Variants in DCK observed in about 807,000 individuals in gnomAD.
DCK encodes the protein deoxyadenosine kinase.
DCK carries 23 observed loss-of-function variants against 38.3 expected under a neutral mutation model. The observed-to-expected ratio is 0.60, with a 90% CI of 0.43 to 0.85. The LOEUF (loss-of-function observed/expected upper bound fraction) is 0.85. Ranked by LOEUF, DCK falls within the 40% of genes least tolerant of loss-of-function variation. The pLI, the probability that DCK is intolerant of heterozygous loss-of-function variation, is 0.00. For missense variants in DCK, 259 were observed against 304.4 expected, an observed-to-expected ratio of 0.85 and a Z score of 1.11; for synonymous variants, 108 against 100.6, an observed-to-expected ratio of 1.07 and a Z score of -0.44.
intron 2 of DCK, among the ~76,000 whole-genome samples, chr4:71,013,797 G>T: frequency 6.6e-6 from 1 of 152,214 alleles, no homozygotes; most frequent in East Asian, 1.9e-4. Flanking sequence ...ACCAGCCACT[G>T]CAAAAACATG....
chr4:71,015,209 T>TA (rs1410770707), intron 2 of DCK, among the ~76,000 whole-genome samples: 1 of 152,128 alleles, frequency 6.6e-6, no homozygotes, highest in Non-Finnish European at 1.5e-5. Flanking sequence ...CCTGGACACA[T>TA]ACACTGTCAC....
At chr4:70,995,552 C>G (rs1209416065) in intron 1 of DCK, among the ~76,000 whole-genome samples, 1 of 151,674 alleles carries the variant, frequency 6.6e-6, no homozygotes, top group Non-Finnish European at 1.5e-5. Flanking sequence ...GCACTCTAGC[C>G]TGGGTGACAG....
chr4:71,025,564 T>G (rs1740526750), intron 4 of DCK, among the ~76,000 whole-genome samples: 1 of 152,114 alleles, frequency 6.6e-6, no homozygotes. Flanking sequence ...TTTATCAAAC[T>G]TAGTATATTT....
chr4:71,017,026 T>C (rs1219615788), intron 2 of DCK, among the ~76,000 whole-genome samples: 4 of 152,130 alleles, frequency 2.6e-5, no homozygotes, highest in East Asian at 1.9e-4. Flanking sequence ...ATTTTTGCAA[T>C]CTACTCATCT....
chr4:71,013,227 T>C, intron 2 of DCK, among the ~76,000 whole-genome samples: 1 of 152,042 alleles, frequency 6.6e-6, no homozygotes, highest in Non-Finnish European at 1.5e-5. Context: ...TAAAAAGAAA[T>C]GAACAAAACC....
chr4:71,003,544 A>G (rs1739863729), intron 2 of DCK, among the ~76,000 whole-genome samples: 1 of 152,174 alleles, frequency 6.6e-6, no homozygotes, highest in Non-Finnish European at 1.5e-5. Context: ...AATAATCCTG[A>G]AATGTGTTTT....
chr4:71,021,328 G>T (rs1740420665), intron 2 of DCK, among the ~76,000 whole-genome samples: 1 of 151,968 alleles, frequency 6.6e-6, no homozygotes, highest in Admixed American at 6.6e-5. Flanking sequence ...ACCCGCCTCG[G>T]CCTCCCAAAG....
chr4:71,013,427 C>G (rs1314795603), intron 2 of DCK, among the ~76,000 whole-genome samples: 1 of 152,040 alleles, frequency 6.6e-6, no homozygotes, highest in Non-Finnish European at 1.5e-5. Context: ...AGATACTCCT[C>G]GAGAAGAGCA....
chr4:71,011,256 T>A (rs998277092), intron 2 of DCK, among the ~76,000 whole-genome samples: 1 of 109,170 alleles, frequency 9.2e-6, no homozygotes, highest in Non-Finnish European at 1.9e-5. Context: ...TTTTTTTTTT[T>A]AAGACGGAGT....
chr4:71,013,140 A>G (rs574843593), intron 2 of DCK, among the ~76,000 whole-genome samples: 2 of 152,368 alleles, frequency 1.3e-5, no homozygotes, highest in East Asian at 1.9e-4. Context: ...GATTCAATCA[A>G]CTGGAAGAAA....
In DCK at chr4:71,019,939, A is replaced by G. The variant is rs756839556; in HGVS notation, c.208-2428A>G. On this transcript the variant is annotated intron_variant, in intron 2 of 6. Coordinates refer to ENST00000286648, the MANE Select transcript of DCK (RefSeq NM_000788.3). ...GTAGCTAGGATTACAGGCGCGTGCC[A>G]CCACGCCTGGCTAATTTTTTATATT... Among the ~76,000 whole-genome samples the G allele has an allele frequency of 3.0e-4, 45 of 152,258 alleles. 1 individual carries two copies. The highest frequency in any genetic ancestry group is 5.2e-4 in the Admixed American group (8 of 15,302).
chr4:70,993,875 G>T lies in DCK; in HGVS notation c.40G>T (p.Ala14Ser). 2 of 1,614,052 alleles carry T rather than the reference G, an allele frequency of 1.2e-6. No individual in the cohort carries two copies. Among genetic ancestry groups the T allele is most frequent in the Non-Finnish European group, 1.7e-6 (2 of 1,179,954 alleles). ...PPKRSCPSFS[A>S]SSEGTRIKKI... ...CAAGAGAAGCTGCCCGTCTTTCTCA[G>T]CCAGCTCTGAGGGGACCCGCATCAA... is the stretch of plus-strand genomic sequence containing the variant. The change falls in exon 1 of 7, where the codon GCC (alanine) becomes TCC (serine). Residue 14 changes from alanine to serine, a missense_variant. Around this residue, in one of 3 missense-constraint regions of DCK, gnomAD observed 159 missense variants for 159.0 expected, o/e 1.00. Transcript: ENST00000286648.
intron 6 of DCK, among the ~76,000 whole-genome samples, chr4:71,028,372 G>C (rs549432279): frequency 6.6e-6 from 1 of 152,224 alleles, no homozygotes; most frequent in East Asian, 1.9e-4. Flanking sequence ...TGGGAAGACT[G>C]CTTGAGCCCA....
chr4:70,994,815 A>G (rs760554433), intron 1 of DCK, among the ~76,000 whole-genome samples: 1 of 152,218 alleles, frequency 6.6e-6, no homozygotes, highest in Non-Finnish European at 1.5e-5. Flanking sequence ...AAAGACCACT[A>G]ACGTTTCTGT....
At chr4:71,026,498 A>C (rs1435655578) in intron 5 of DCK, among the ~76,000 whole-genome samples, 167 bp from the exon 6 acceptor site, 1 of 152,140 alleles carries the variant, frequency 6.6e-6, no homozygotes, top group African/African-American at 2.4e-5. Flanking sequence ...CATATGGTAA[A>C]TCTAGATGAG....
rs1254928260 is a variant in DCK at position 71,026,023 on chromosome 4, A to G, written c.665+92A>G. The G allele has an allele frequency of 5.8e-6, 8 of 1,376,288 alleles. No individual in the cohort carries two copies. The South Asian group carries it at 1.0e-4, about 17-fold the overall frequency. The allele number at this position is 1,376,288 out of a possible 1,614,324, so 85.3% of individuals were successfully genotyped here. A position where few individuals can be genotyped will look rare whatever the true frequency, so the allele number is the denominator to read the frequency against. On this transcript the variant is annotated intron_variant, in intron 5 of 6. Coordinates refer to ENST00000286648, the MANE Select transcript of DCK (RefSeq NM_000788.3). ...AAATTTGGAAGATATGACTAGCAAT[A>G]TGTAAAATTTCCAGTCGTTTTGCTT...
intron 2 of DCK, among the ~76,000 whole-genome samples, chr4:71,000,082 C>T (rs566474521): frequency 2.0e-5 from 3 of 152,124 alleles, no homozygotes; most frequent in Admixed American, 1.3e-4. Flanking sequence ...GTGTTTTAGT[C>T]ATGAAGTCTT....
chr4:71,013,526 A>G (rs930184661), intron 2 of DCK, among the ~76,000 whole-genome samples: 2 of 152,230 alleles, frequency 1.3e-5, no homozygotes, highest in African/African-American at 4.8e-5. Context: ...CGGGTTACCC[A>G]CAAAGGGAAG....
intron 2 of DCK, among the ~76,000 whole-genome samples, chr4:71,006,542 C>T (rs1273306614): frequency 1.3e-5 from 2 of 151,778 alleles, no homozygotes; most frequent in Non-Finnish European, 2.9e-5. Flanking sequence ...ACTCCATAGG[C>T]AGAGCAGCCA....
Sources: gnomAD v4.1 joint callset for allele counts (sites outside exome capture counted in the v4.1 genomes callset) on GRCh38, gnomAD v4.1.1 for gene constraint, gnomAD v4.1.1 regional missense constraint, MANE v1.5 for transcripts, NCBI Gene and HGNC (gene_info 2026-07-23, HGNC 2026-07-21) for gene names.